The following REEP3 variants were observed in gnomAD, a reference collection of about 807,000 sequenced individuals.
REEP3 encodes the protein receptor expression-enhancing protein 3.
A neutral mutation model predicts 41.3 loss-of-function variants in REEP3; 20 were observed. The observed-to-expected ratio is 0.48, with a 90% CI of 0.34 to 0.70. The LOEUF (loss-of-function observed/expected upper bound fraction) is 0.70, where lower values mean the gene tolerates loss of function less well. Ranked by LOEUF, REEP3 falls within the 30% of genes least tolerant of loss-of-function variation. REEP3 has a pLI of 0.01. For synonymous variants in REEP3, 104 were observed against 101.8 expected (o/e 1.02, Z -0.13); for missense variants, 271 against 308.8 (o/e 0.88, Z 0.92).
At chr10:63,594,161 T>G (rs1956091105) in intron 2 of REEP3, among the ~76,000 whole-genome samples, 1 of 150,970 alleles carries the variant, frequency 6.6e-6, no homozygotes, top group South Asian at 2.1e-4. Context: ...ACAGATAGCT[T>G]GAGCCCAAGG....
At chr10:63,593,268 C>T (rs1301076612) in intron 2 of REEP3, among the ~76,000 whole-genome samples, 2 of 152,108 alleles carry the variant, frequency 1.3e-5, no homozygotes, top group African/African-American at 4.8e-5. Flanking sequence ...TATATAAGGA[C>T]CTAAATTTTT....
chr10:63,611,137 C>A (rs72838794), intron 6 of REEP3, among the ~76,000 whole-genome samples: 28,214 of 152,140 alleles, frequency 0.19, 3,217 homozygotes, highest in Non-Finnish European at 0.26. Context: ...AACAAAGTAG[C>A]CTCTTTTGCT....
At chr10:63,590,206 A>C (rs922206995) in intron 2 of REEP3, among the ~76,000 whole-genome samples, 2 of 152,216 alleles carry the variant, frequency 1.3e-5, no homozygotes, top group East Asian at 3.8e-4. Context: ...CTTGAACTAC[A>C]GGTGCACTCA....
intron 2 of REEP3, among the ~76,000 whole-genome samples, chr10:63,571,641 C>T (rs185972637): frequency 2.0e-5 from 3 of 152,182 alleles, no homozygotes; most frequent in African/African-American, 7.2e-5. Flanking sequence ...TCATCTGCAA[C>T]CTTATTTCTC....
At chr10:63,612,230 G>A (rs747879943) in intron 6 of REEP3, among the ~76,000 whole-genome samples, 22 of 151,962 alleles carry the variant, frequency 1.4e-4, no homozygotes, top group Non-Finnish European at 1.0e-4. Flanking sequence ...GCTGGAGTGC[G>A]GTGGTACGAT....
At chr10:63,600,206 G>A (rs1051023186) in intron 5 of REEP3, among the ~76,000 whole-genome samples, 1 of 152,114 alleles carries the variant, frequency 6.6e-6, no homozygotes, top group Non-Finnish European at 1.5e-5. Context: ...CCAGTTGAGT[G>A]GTGATTTTAT....
chr10:63,544,545 G>A (rs996796963), intron 1 of REEP3, among the ~76,000 whole-genome samples: 1 of 152,154 alleles, frequency 6.6e-6, no homozygotes, highest in Non-Finnish European at 1.5e-5. Context: ...TGAGTGGGAG[G>A]TGTCAAACAT....
intron 1 of REEP3, among the ~76,000 whole-genome samples, chr10:63,535,787 A>G (rs934932425): frequency 3.9e-5 from 6 of 152,190 alleles, no homozygotes; most frequent in African/African-American, 1.4e-4. Flanking sequence ...ATCTCTCAGA[A>G]AAAAAAATTA....
chr10:63,547,330 G>A (rs958690293), intron 1 of REEP3, among the ~76,000 whole-genome samples: 1 of 152,142 alleles, frequency 6.6e-6, no homozygotes, highest in Non-Finnish European at 1.5e-5. Flanking sequence ...CTAAAATTAA[G>A]CACTTCTCTT....
chr10:63,596,808 T>C (rs182404779), intron 3 of REEP3, among the ~76,000 whole-genome samples: 5 of 152,296 alleles, frequency 3.3e-5, no homozygotes, highest in Non-Finnish European at 7.3e-5. Flanking sequence ...GACAGGGTCT[T>C]GCTCCATTGC....
chr10:63,599,325 T>C, intron 5 of REEP3, 42 bp downstream of exon 5: 1 of 884,742 alleles, frequency 1.1e-6, no homozygotes, highest in Non-Finnish European at 1.7e-6. Flanking sequence ...TCATATTAAG[T>C]CAACAAATAA....
chr10:63,602,373 G>A (rs1956180174), intron 5 of REEP3, among the ~76,000 whole-genome samples: 2 of 152,138 alleles, frequency 1.3e-5, no homozygotes, highest in Non-Finnish European at 2.9e-5. Context: ...CTAAGAGCTT[G>A]TTGCTTTTTG....
chr10:63,549,343 G>A (rs1339749910), intron 1 of REEP3, among the ~76,000 whole-genome samples: 1 of 152,224 alleles, frequency 6.6e-6, no homozygotes, highest in Non-Finnish European at 1.5e-5. Context: ...CACGGCTGGT[G>A]GATGACTTGA....
chr10:63,563,622 G>A (rs976494585), intron 1 of REEP3, among the ~76,000 whole-genome samples: 5 of 151,964 alleles, frequency 3.3e-5, no homozygotes, highest in South Asian at 2.1e-4. Flanking sequence ...TGAACAAAGG[G>A]ATGATTTGTT....
chr10:63,562,880 G>C (rs1179039650), intron 1 of REEP3: 11 of 455,550 alleles, frequency 2.4e-5, no homozygotes, highest in Middle Eastern at 3.2e-4. Context: ...ATATATTGAA[G>C]TCCTAACCCC....
chr10:63,525,569 C>T (rs1324769701), intron 1 of REEP3, among the ~76,000 whole-genome samples: 2 of 152,108 alleles, frequency 1.3e-5, no homozygotes, highest in Non-Finnish European at 2.9e-5. Context: ...CAGACATGTG[C>T]TACCATGCCC....
In REEP3 at chr10:63,624,144, A is replaced by C. The variant is rs967425788; in HGVS notation, c.*3275A>C. On this transcript the variant is annotated 3_prime_UTR_variant, in exon 8 of 8. Coordinates refer to ENST00000373758, the MANE Select transcript of REEP3 (RefSeq NM_001001330.3). ...TGATTATCAGGAAAATTAAGGAGTT[A>C]TATATTTAAAAGCAATTTTCTGTGT... 1 of 152,104 alleles carries C rather than the reference A, an allele frequency of 6.6e-6. No individual in the cohort carries two copies. Among genetic ancestry groups the C allele is most frequent in the African/African-American group, 2.4e-5 (1 of 41,446 alleles). 9.4% of individuals were successfully genotyped at this position (152,104 alleles called of 1,614,324 possible). A position where few individuals can be genotyped will look rare whatever the true frequency, so the allele number is the denominator to read the frequency against.
At chr10:63,597,592 T>C (rs1020045756) in intron 3 of REEP3, among the ~76,000 whole-genome samples, 5 of 152,220 alleles carry the variant, frequency 3.3e-5, no homozygotes, top group African/African-American at 1.2e-4. Flanking sequence ...CACAGTTGTC[T>C]CCTGATCACT....
chr10:63,581,677 A>G (rs1273971329), intron 2 of REEP3, among the ~76,000 whole-genome samples: 3 of 151,994 alleles, frequency 2.0e-5, no homozygotes, highest in African/African-American at 4.8e-5. Flanking sequence ...CAAGAGTTCC[A>G]TGCTGCAGTG....
Sources: allele counts gnomAD v4.1 joint callset (sites outside exome capture counted in the v4.1 genomes callset), GRCh38; gene constraint gnomAD v4.1.1; transcripts MANE v1.5; gene names NCBI Gene and HGNC (gene_info 2026-07-23, HGNC 2026-07-21).